The following DPP6 variants were observed in gnomAD, a reference collection of about 807,000 sequenced individuals.
The protein encoded by DPP6 is A-type potassium channel modulatory protein DPP6.
In DPP6, 69 loss-of-function variants were observed where a neutral mutation model predicts 122.6. The observed-to-expected ratio is 0.56, with a 90% CI of 0.46 to 0.69. The LOEUF (loss-of-function observed/expected upper bound fraction) is 0.69, where lower values mean the gene tolerates loss of function less well. Ranked by LOEUF, DPP6 falls within the 30% of genes least tolerant of loss-of-function variation. DPP6 has a pLI of 0.00. For missense variants in DPP6, 928 were observed against 1,116.9 expected, an observed-to-expected ratio of 0.83 and a Z score of 2.41; for synonymous variants, 418 against 433.1, an observed-to-expected ratio of 0.97 and a Z score of 0.43.
In DPP6 at chr7:154,481,310, T is replaced by A. The variant is rs1823253985; in HGVS notation, c.457+6273T>A. ...AGTTTCAATTCTCTAGCTCAAATGC[T>A]CTTCCGAGCTATACACTTGGAGAGA... On this transcript the variant is annotated intron_variant, in intron 3 of 25. Transcript: ENST00000377770. This position sits in a 1 kb window ranked among gnomAD's most constrained non-coding sequence, Gnocchi z 4.2. Among the ~76,000 whole-genome samples, 1 of 151,852 alleles carries A rather than the reference T, an allele frequency of 6.6e-6. No homozygotes were observed. Among genetic ancestry groups the A allele is most frequent in the South Asian group, 2.1e-4 (1 of 4,812 alleles).
At chr7:154,305,037 CCCCAGCCCCA>C (rs1806182265) in intron 1 of DPP6, 1 of 17,012 alleles carries the variant, frequency 5.9e-5, no homozygotes, top group Non-Finnish European at 1.4e-4. Context: ...CCAGCCCCAG[CCCCAGCCCCA>C]GCCCCAGCCC....
chr7:154,388,829 C>T (rs1337073314), intron 1 of DPP6, among the ~76,000 whole-genome samples: 1 of 152,116 alleles, frequency 6.6e-6, no homozygotes, highest in East Asian at 1.9e-4. Flanking sequence ...GAAAACATAT[C>T]CGTTGTCATT....
chr7:154,506,909 A>T (rs941959274), intron 3 of DPP6, among the ~76,000 whole-genome samples: 2 of 152,196 alleles, frequency 1.3e-5, no homozygotes, highest in Non-Finnish European at 2.9e-5. Context: ...TTCCCTTTCT[A>T]GTAGCAATAG....
chr7:154,273,181 A>G (rs1363951689), intron 1 of DPP6, among the ~76,000 whole-genome samples: 2 of 152,140 alleles, frequency 1.3e-5, no homozygotes, highest in African/African-American at 4.8e-5. Context: ...TCAATTTGCA[A>G]TTCCCAATAA....
chr7:153,768,410 C>G, the DPP6 span, among the ~76,000 whole-genome samples: 1 of 151,980 alleles, frequency 6.6e-6, no homozygotes, highest in Admixed American at 6.6e-5. Context: ...CCTAAGATCA[C>G]GAGGTTCCTT....
At chr7:153,939,004 C>T (rs942891629) in intron 1 of DPP6, among the ~76,000 whole-genome samples, 2 of 152,168 alleles carry the variant, frequency 1.3e-5, no homozygotes, top group African/African-American at 4.8e-5. Context: ...CATTTGTGTG[C>T]ACTTATAATA....
intron 7 of DPP6, among the ~76,000 whole-genome samples, chr7:154,677,271 TC>T: frequency 6.6e-6 from 1 of 152,142 alleles, no homozygotes; most frequent in Non-Finnish European, 1.5e-5. Context: ...GCGTGAGCCT[TC>T]CTTTACCTAC....
At chr7:154,725,819 G>A (rs1046506353) in intron 7 of DPP6, among the ~76,000 whole-genome samples, 5 of 152,160 alleles carry the variant, frequency 3.3e-5, no homozygotes, top group Admixed American at 1.3e-4. Flanking sequence ...CTGCCTATAA[G>A]CCTGTAAAAT....
At chr7:153,787,108 C>T in the DPP6 span, among the ~76,000 whole-genome samples, 3 of 142,062 alleles carry the variant, frequency 2.1e-5, no homozygotes, top group Non-Finnish European at 3.1e-5. Context: ...CCCACGACCA[C>T]GCCCGGCTAA....
intron 1 of DPP6, among the ~76,000 whole-genome samples, chr7:154,173,184 A>C (rs1182937706): frequency 2.0e-5 from 3 of 152,186 alleles, no homozygotes; most frequent in Non-Finnish European, 4.4e-5. Context: ...TCCCAATAAC[A>C]ATAACATTAC....
intron 8 of DPP6, among the ~76,000 whole-genome samples, chr7:154,740,790 C>T (rs904210490): frequency 1.9e-4 from 29 of 152,128 alleles, no homozygotes; most frequent in Admixed American, 1.6e-3. Flanking sequence ...TCTCCCCTTT[C>T]GTCACCCCCA....
At chr7:153,774,606 A>G in the DPP6 span, among the ~76,000 whole-genome samples, 1 of 152,114 alleles carries the variant, frequency 6.6e-6, no homozygotes, top group Non-Finnish European at 1.5e-5. Flanking sequence ...AGGAATAGTT[A>G]ATATTCTTCC....
intron 17 of DPP6, among the ~76,000 whole-genome samples, chr7:154,857,076 A>G (rs891280201): frequency 3.3e-5 from 5 of 152,190 alleles, no homozygotes; most frequent in African/African-American, 9.7e-5. Flanking sequence ...TTCAAACTCT[A>G]GGAATATTTC....
chr7:154,246,507 C>T (rs1176086466), intron 1 of DPP6, among the ~76,000 whole-genome samples: 1 of 152,032 alleles, frequency 6.6e-6, no homozygotes, highest in Non-Finnish European at 1.5e-5. Context: ...AACGAAAATT[C>T]CAACAAGGTG....
chr7:153,819,504 C>T, the DPP6 span, among the ~76,000 whole-genome samples: 6 of 151,814 alleles, frequency 4.0e-5, no homozygotes, highest in South Asian at 4.2e-4. Context: ...TGTGGTTGAA[C>T]GAGGGTGACA....
At chr7:154,768,628 G>C (rs985421940) in intron 8 of DPP6, among the ~76,000 whole-genome samples, 3 of 152,086 alleles carry the variant, frequency 2.0e-5, no homozygotes, top group Admixed American at 1.3e-4. Flanking sequence ...TGAAAAAAAC[G>C]CTGTAGAAAT....
chr7:154,346,495 C>T (rs1810408624), intron 1 of DPP6, among the ~76,000 whole-genome samples: 2 of 152,048 alleles, frequency 1.3e-5, no homozygotes, highest in South Asian at 2.1e-4. Flanking sequence ...TTATTAGAGA[C>T]GAGGTTTCAC....
In DPP6 at chr7:154,016,196, CTT is replaced by C. The variant is rs533715440; in HGVS notation, c.51+128464_51+128465del. Reference sequence around the variant, plus strand: ...TCTCTCTCCCCCCGCCACACAATCTCTTTGTCTTGTTTTATCTTCTTCTCAAC... The same window carrying C: ...TCTCTCTCCCCCCGCCACACAATCTCTGTCTTGTTTTATCTTCTTCTCAAC... On this transcript the variant is annotated intron_variant, in intron 1 of 25. Transcript: ENST00000404039. Among the ~76,000 whole-genome samples, 4 of 152,282 alleles carry C rather than the reference CTT, an allele frequency of 2.6e-5. No homozygotes were observed. The South Asian group carries it at 8.3e-4, about 32-fold the overall frequency.
intron 3 of DPP6, among the ~76,000 whole-genome samples, chr7:154,537,828 C>T (rs929819159): frequency 1.3e-5 from 2 of 151,520 alleles, no homozygotes; most frequent in African/African-American, 4.8e-5. Context: ...ACATTTTTAC[C>T]AAAAGATGTA....
Sources: gnomAD v4.1 joint callset for allele counts (sites outside exome capture counted in the v4.1 genomes callset) on GRCh38, gnomAD v4.1.1 for gene constraint, Gnocchi (gnomAD v3.1) non-coding constraint, MANE v1.5 for transcripts, NCBI Gene and HGNC (gene_info 2026-07-23, HGNC 2026-07-21) for gene names.